FRYL: variants seen among roughly 807,000 people sequenced by gnomAD.
FRYL encodes the protein FRY like transcription coactivator.
FRYL carries 150 observed loss-of-function variants against 351.2 expected under a neutral mutation model. The ratio of observed to expected loss-of-function variants is 0.43; its 90% CI spans 0.37 to 0.49. The LOEUF (loss-of-function observed/expected upper bound fraction) is 0.49, where lower values mean the gene tolerates loss of function less well. Among genes scored for constraint, FRYL ranks in the 20% least tolerant of loss-of-function variants. FRYL has a pLI of 0.00. For missense variants in FRYL, 3,036 were observed against 3,619.3 expected, an observed-to-expected ratio of 0.84 and a Z score of 4.13; for synonymous variants, 1,153 against 1,257.1, an observed-to-expected ratio of 0.92 and a Z score of 1.75.
At chr4:48,571,432 G>C (rs1175565139) in intron 26 of FRYL, among the ~76,000 whole-genome samples, 2 of 152,160 alleles carry the variant, frequency 1.3e-5, no homozygotes, top group Non-Finnish European at 2.9e-5. Flanking sequence ...TAGGTCCAAA[G>C]AACTAGAATA....
At chr4:48,690,134 T>G (rs1163999622) in intron 2 of FRYL, among the ~76,000 whole-genome samples, 2 of 151,794 alleles carry the variant, frequency 1.3e-5, no homozygotes, top group Non-Finnish European at 2.9e-5. Context: ...CTCGATCTCC[T>G]GACCTCGTGA....
At chr4:48,665,663 G>C (rs1388156387) in intron 3 of FRYL, among the ~76,000 whole-genome samples, 1 of 152,174 alleles carries the variant, frequency 6.6e-6, no homozygotes, top group African/African-American at 2.4e-5. Flanking sequence ...AGTCCTAATG[G>C]AACAGAACGA....
chr4:48,535,614 C>CACACACAT (rs756048933), intron 48 of FRYL, 43 bp downstream of exon 48: 17 of 981,524 alleles, frequency 1.7e-5, no homozygotes, highest in African/African-American at 8.1e-5. Flanking sequence ...CACACACACA[C>CACACACAT]ATATATATAT....
chr4:48,525,046 T>C (rs919728181), intron 53 of FRYL, among the ~76,000 whole-genome samples: 4 of 142,852 alleles, frequency 2.8e-5, no homozygotes, highest in African/African-American at 1.0e-4. Context: ...AATTTTAGGG[T>C]GGTAACCTAC....
chr4:48,533,853 C>A (rs1159814774), intron 49 of FRYL, among the ~76,000 whole-genome samples: 1 of 152,162 alleles, frequency 6.6e-6, no homozygotes, highest in Non-Finnish European at 1.5e-5. Flanking sequence ...GCAAACTCTT[C>A]AAAGAGGTTT....
chr4:48,527,987 A>G lies in FRYL; in HGVS notation c.7124T>C (p.Leu2375Pro). Residue 2375 changes from leucine to proline, a missense_variant, in exon 52 of 64, where the codon CTC becomes CCC. Around this residue, in one of 7 missense-constraint regions of FRYL, gnomAD observed 1,987 missense variants for 2,311.7 expected, o/e 0.86. Coordinates refer to ENST00000358350, the MANE Select transcript of FRYL (RefSeq NM_015030.2). Reference sequence around the variant, plus strand: ...ATTACTCACTGATGGGTTCTTTGGGAGGCCAGATTCTGGACCACAGAGAGA... The same window carrying G: ...ATTACTCACTGATGGGTTCTTTGGGGGGCCAGATTCTGGACCACAGAGAGA... ...VLSLCGPESGLPKNPSVVFSS... is the reference protein window; with the variant it reads ...VLSLCGPESGPPKNPSVVFSS... 1.3e-6 allele frequency: 2 copies of G among 1,577,362 alleles called. No individual in the cohort carries two copies. Among genetic ancestry groups the G allele is most frequent in the Non-Finnish European group, 1.7e-6 (2 of 1,169,594 alleles).
rs1725071749 is a variant in FRYL at position 48,522,302 on chromosome 4, A to T, written c.7521+599T>A. On this transcript the variant is annotated intron_variant, in intron 54 of 63. Transcript: ENST00000358350. ...TGCCTAAAGAATAAAAAAAGGAGGC[A>T]TTCCTGTAAGAGCTGTGTAACCATA... Among the ~76,000 whole-genome samples, 8 of 152,108 alleles carry T rather than the reference A, an allele frequency of 5.3e-5. No individual in the cohort carries two copies. The South Asian group carries it at 1.7e-3, about 32-fold the overall frequency.
At chr4:48,769,196 A>C (rs1165752971) in intron 1 of FRYL, among the ~76,000 whole-genome samples, 1 of 152,208 alleles carries the variant, frequency 6.6e-6, no homozygotes, top group Non-Finnish European at 1.5e-5. Flanking sequence ...TGAAAGATCT[A>C]TTAAGAGGAT....
intron 2 of FRYL, among the ~76,000 whole-genome samples, chr4:48,708,512 T>C (rs1767635937): frequency 6.6e-6 from 1 of 152,094 alleles, no homozygotes; most frequent in South Asian, 2.1e-4. Context: ...GCCCTGCAAT[T>C]CCACTTCTAA....
intron 8 of FRYL, among the ~76,000 whole-genome samples, chr4:48,609,268 C>G (rs1214575763): frequency 2.0e-5 from 3 of 152,256 alleles, no homozygotes; most frequent in Middle Eastern, 3.4e-3. Context: ...CATATCCAAT[C>G]TGTAGTACTA....
At chr4:48,553,863 C>T (rs1231065224) in intron 35 of FRYL, among the ~76,000 whole-genome samples, 1 of 152,040 alleles carries the variant, frequency 6.6e-6, no homozygotes, top group Non-Finnish European at 1.5e-5. Context: ...AATTAGAACT[C>T]CAACTACATT....
rs1462678893 is a variant in FRYL, at chr4:48,506,460, T to A, written c.8395-845A>T. 4.0e-5 allele frequency: 6 copies of A among 151,400 alleles called. No individual in the cohort carries two copies. The East Asian group carries it at 1.2e-3, about 29-fold the overall frequency. 9.4% of individuals were successfully genotyped at this position (151,400 alleles called of 1,614,324 possible). ...ATAAAACAATAGCACCGTGGTATAG[T>A]AGAAAAGAAAGAACGCTGGACTCAC... On this transcript the variant is annotated intron_variant, in intron 59 of 63. Coordinates refer to ENST00000358350, the MANE Select transcript of FRYL (RefSeq NM_015030.2).
intron 1 of FRYL, among the ~76,000 whole-genome samples, chr4:48,770,684 G>A (rs760937116): frequency 1.3e-5 from 2 of 152,068 alleles, no homozygotes; most frequent in African/African-American, 2.4e-5. Flanking sequence ...TGATCTGCCC[G>A]CCTCAGCCTC....
At chr4:48,763,223 A>C (rs1237982658) in intron 1 of FRYL, among the ~76,000 whole-genome samples, 4 of 151,646 alleles carry the variant, frequency 2.6e-5, no homozygotes, top group Admixed American at 6.6e-5. Flanking sequence ...GCACTTTGAG[A>C]GGCTGAGGCA....
chr4:48,573,233 CTA>C lies in FRYL; in HGVS notation c.2855_2856del (p.Ile952ArgfsTer8). 1 of 1,608,734 alleles carries C rather than the reference CTA, an allele frequency of 6.2e-7. No individual in the cohort carries two copies. Among genetic ancestry groups the C allele is most frequent in the South Asian group, 1.1e-5 (1 of 90,928 alleles). ...TCTTTAATTATGGGATGTAATTCCT[CTA>C]TTAGTTCCCTGGAAGAAAAATGGTA... ...RTNPGAFREL[I>X]EELHPIIKEA... On this transcript the variant is annotated frameshift_variant, in exon 26 of 64. Transcript: ENST00000358350. LOFTEE classifies it high-confidence loss of function.
chr4:48,622,488 G>A (rs562211398), intron 5 of FRYL, among the ~76,000 whole-genome samples: 1 of 152,246 alleles, frequency 6.6e-6, no homozygotes, highest in African/African-American at 2.4e-5. Context: ...CAGGAACACA[G>A]TATTTTGGTA....
chr4:48,777,978 G>A (rs916211901), intron 1 of FRYL, among the ~76,000 whole-genome samples: 4 of 152,200 alleles, frequency 2.6e-5, no homozygotes, highest in African/African-American at 9.6e-5. Flanking sequence ...TTGAGGCCAG[G>A]AGTTGGAGAC....
rs1719233600 is a variant in FRYL, at chr4:48,500,193, G to C, written c.8620C>G (p.Gln2874Glu). The change falls in exon 63 of 64, where the codon CAA (glutamine) becomes GAA (glutamate). Residue 2874 changes from glutamine to glutamate, a missense_variant. Physicochemically the swap from Gln to Glu is conservative, Grantham distance 29. Transcript: ENST00000358350. ...EVINMSEELA[Q>E]LESILKEAES... Reference sequence around the variant, plus strand: ...GCTTCTTTGAGGATACTTTCCAGTTGGGCAAGTTCCTCTGACATGTTGATG... The same window carrying C: ...GCTTCTTTGAGGATACTTTCCAGTTCGGCAAGTTCCTCTGACATGTTGATG... 1.3e-6 allele frequency: 2 copies of C among 1,588,728 alleles called. No homozygotes were observed. Among genetic ancestry groups the C allele is most frequent in the Non-Finnish European group, 1.7e-6 (2 of 1,173,986 alleles).
At chr4:48,525,064 GAA>G (rs528826304) in intron 53 of FRYL, among the ~76,000 whole-genome samples, 2 of 82,236 alleles carry the variant, frequency 2.4e-5, no homozygotes, top group Non-Finnish European at 5.1e-5. Flanking sequence ...TACACTTTTT[GAA>G]AAAAAAAAAA....
Sources: allele counts gnomAD v4.1 joint callset (sites outside exome capture counted in the v4.1 genomes callset), GRCh38; gene constraint gnomAD v4.1.1; regional missense constraint gnomAD v4.1.1; transcripts MANE v1.5; gene names NCBI Gene and HGNC (gene_info 2026-07-23, HGNC 2026-07-21).